FSIP2: variants seen among roughly 807,000 people sequenced by gnomAD.
FSIP2 encodes the protein fibrous sheath-interacting protein 2.
FSIP2 carries 367 observed loss-of-function variants against 510.5 expected under a neutral mutation model. The ratio of observed to expected loss-of-function variants is 0.72; its 90% CI spans 0.66 to 0.78. The LOEUF is 0.78. Among genes scored for constraint, FSIP2 ranks in the 30% least tolerant of loss-of-function variants. The pLI is 0.00. For missense variants in FSIP2, 7,594 were observed against 7,901.7 expected (o/e 0.96, Z 1.48); for synonymous variants, 2,601 against 2,732.2 (o/e 0.95, Z 1.50).
intron 11 of FSIP2, among the ~76,000 whole-genome samples, chr2:185,762,303 T>C (rs1009286682): frequency 3.3e-5 from 5 of 151,304 alleles, no homozygotes; most frequent in Non-Finnish European, 5.9e-5. Flanking sequence ...CTTCAGGAGA[T>C]TGGAATACAA....
Position 185,804,008 on chromosome 2 carries a change from A to T in FSIP2, c.14702A>T (p.Lys4901Ile), listed in dbSNP as rs1201778523. ...PVSKIASFII[K>I]EIFNHHIQSF... ...TCAAAAATAGCGAGTTTTATAATAA[A>T]AGAAATCTTTAACCATCATATTCAA... Residue 4901 changes from lysine (K) to isoleucine (I), a missense_variant, in exon 17 of 23, where the codon AAA becomes ATA. Physicochemically the swap from Lys to Ile is moderately radical, Grantham distance 102. Transcript: ENST00000424728. 1 of 1,498,794 alleles carries T rather than the reference A, an allele frequency of 6.7e-7. No individual in the cohort carries two copies. The highest frequency in any genetic ancestry group is 1.3e-5 in the South Asian group (1 of 78,534). 92.8% of individuals were successfully genotyped at this position (1,498,794 alleles called of 1,614,324 possible). A position where few individuals can be genotyped will look rare whatever the true frequency, so the allele number is the denominator to read the frequency against.
At chr2:185,776,737 T>C (rs1559020302) in intron 13 of FSIP2, among the ~76,000 whole-genome samples, 1 of 152,140 alleles carries the variant, frequency 6.6e-6, no homozygotes, top group African/African-American at 2.4e-5. Flanking sequence ...GCAAGATTTT[T>C]ATTATTATTA....
chr2:185,743,338 A>C lies in FSIP2; in HGVS notation c.387+44A>C, dbSNP rs996550967. Reference sequence around the variant, plus strand: ...CTTTTTTTAATCAATGAAACCCTTTAAAACTTGATATAAACTTGTTTCTGT... The same window carrying C: ...CTTTTTTTAATCAATGAAACCCTTTCAAACTTGATATAAACTTGTTTCTGT... On this transcript the variant is annotated intron_variant, in intron 3 of 22. Transcript: ENST00000424728. The C allele has an allele frequency of 6.0e-6, 8 of 1,325,488 alleles. No homozygotes were observed. The African/African-American group carries it at 1.2e-4, about 20-fold the overall frequency. 82.1% of individuals were successfully genotyped at this position (1,325,488 alleles called of 1,614,324 possible). A position where few individuals can be genotyped will look rare whatever the true frequency, so the allele number is the denominator to read the frequency against.
At chr2:185,782,845 G>T in intron 14 of FSIP2, 83 bp downstream of exon 14, 4 of 752,996 alleles carry the variant, frequency 5.3e-6, no homozygotes, top group Non-Finnish European at 9.0e-6. Context: ...ATGATTCCAT[G>T]GAATCCTCCA....
Position 185,799,891 on chromosome 2 carries a change from G to C in FSIP2, c.10585G>C (p.Glu3529Gln). ...GGGTAGAGAAAAAGAGAAAGCATGGGAAATTCAAGAAGCAACATTTAGCAA... is the reference window on the plus strand; with the variant it reads ...GGGTAGAGAAAAAGAGAAAGCATGGCAAATTCAAGAAGCAACATTTAGCAA... The part of the protein sequence containing the change: ...KKGREKEKAW[E>Q]IQEATFSKII... The change falls in exon 17 of 23, where the codon GAA becomes CAA. Residue 3529 changes from glutamate (E) to glutamine (Q), a missense_variant. By Grantham distance (29) the Glu-to-Gln change is conservative. Transcript: ENST00000424728. The C allele has an allele frequency of 6.5e-7, 1 of 1,533,654 alleles. No individual in the cohort carries two copies. The highest frequency in any genetic ancestry group is 8.7e-7 in the Non-Finnish European group (1 of 1,145,436).
At position 185,796,416 on chromosome 2, in the gene FSIP2, A is replaced by G; in HGVS notation, c.9280A>G (p.Lys3094Glu). The G allele has an allele frequency of 6.5e-7, 1 of 1,534,126 alleles. No homozygotes were observed. Among genetic ancestry groups the G allele is most frequent in the Non-Finnish European group, 8.7e-7 (1 of 1,145,586 alleles). ...NIISDMLAVI[K>E]NKLDNEISQM... is the part of the protein sequence containing the mutation. ...CATCAGTGACATGCTTGCTGTAATTAAGAACAAGCTAGACAACGAAATAAG... is the reference window on the plus strand; with the variant it reads ...CATCAGTGACATGCTTGCTGTAATTGAGAACAAGCTAGACAACGAAATAAG... Residue 3094 changes from lysine to glutamate, a missense_variant, in exon 16 of 23, where the codon AAG becomes GAG. Coordinates refer to ENST00000424728, the MANE Select transcript of FSIP2 (RefSeq NM_173651.4).
chr2:185,830,429 G>C (rs1694086011), intron 21 of FSIP2, among the ~76,000 whole-genome samples: 1 of 151,842 alleles, frequency 6.6e-6, no homozygotes, highest in Non-Finnish European at 1.5e-5. Context: ...CTTAAGTACT[G>C]TCATCCCCTG....
At position 185,800,060 on chromosome 2, in the gene FSIP2, T is replaced by C; in HGVS notation, c.10754T>C (p.Ile3585Thr). The C allele has an allele frequency of 6.5e-7, 1 of 1,531,590 alleles. No individual in the cohort carries two copies. Among genetic ancestry groups the C allele is most frequent in the Non-Finnish European group, 8.7e-7 (1 of 1,143,710 alleles). The allele number at this position is 1,531,590 out of a possible 1,614,324, so 94.9% of individuals were successfully genotyped here. A position where few individuals can be genotyped will look rare whatever the true frequency, so the allele number is the denominator to read the frequency against. ...GACATTGCACAGAAAATGGTTGCCA[T>C]ACCTACAAAATACACTTACTGTCCA... ...QADIAQKMVAIPTKYTYCPGI... is the reference protein window; with the variant it reads ...QADIAQKMVATPTKYTYCPGI... Residue 3585 changes from isoleucine to threonine, a missense_variant, in exon 17 of 23, where the codon ATA becomes ACA. Coordinates refer to ENST00000424728, the MANE Select transcript of FSIP2 (RefSeq NM_173651.4).
rs1183743262 is a variant in FSIP2, at chr2:185,795,293, T to G, written c.8157T>G (p.Ala2719=). The part of the protein sequence containing the change: ...TAIGLSHIMS[A]GDAKNLLDTK... ...TTGGGTTGTCACACATCATGTCAGC[T>G]GGAGATGCCAAAAATTTACTGGACA... The change falls in exon 16 of 23, where the codon GCT becomes GCG. Residue 2719 remains alanine (A), a synonymous_variant. Transcript: ENST00000424728. The G allele has an allele frequency of 2.6e-6, 4 of 1,535,082 alleles. No homozygotes were observed. In the Admixed American group the frequency reaches 7.9e-5, roughly 30 times the overall value.
At chr2:185,810,313 C>G (rs1236475983) in intron 17 of FSIP2, among the ~76,000 whole-genome samples, 2 of 151,978 alleles carry the variant, frequency 1.3e-5, no homozygotes, top group African/African-American at 4.8e-5. Context: ...TTGGTGCTGT[C>G]TTTGCAATAG....
In FSIP2 at chr2:185,789,371, G is replaced by A. The variant is rs1209883343; in HGVS notation, c.2235G>A (p.Leu745=). The change falls in exon 16 of 23, where the codon TTG becomes TTA. Residue 745 remains leucine, a synonymous_variant. Coordinates refer to ENST00000424728, the MANE Select transcript of FSIP2 (RefSeq NM_173651.4). ...AATGTGAACGTGAAAAAGAAATCTTGCTTTCCAATGCTCATATTCCCTCAG... is the reference window on the plus strand; with the variant it reads ...AATGTGAACGTGAAAAAGAAATCTTACTTTCCAATGCTCATATTCCCTCAG... ...VEQCEREKEI[L]LSNAHIPSVA... 6.5e-7 allele frequency: 1 copy of A among 1,534,978 alleles called. No individual in the cohort carries two copies. The highest frequency in any genetic ancestry group is 2.0e-5 in the Admixed American group (1 of 50,862).
chr2:185,793,903 C>A lies in FSIP2; in HGVS notation c.6767C>A (p.Thr2256Asn), dbSNP rs1032433057. The change falls in exon 16 of 23, where the codon ACT becomes AAT. Residue 2256 changes from threonine (T) to asparagine (N), a missense_variant. Physicochemically the swap from Thr to Asn is moderately conservative, Grantham distance 65. Transcript: ENST00000424728. ...GAAAATGCTAACTTCATTACTAAAA[C>A]TATTTTTAAACGTTTGGAATCTTTT... ...CEENANFITK[T>N]IFKRLESFAT... The A allele has an allele frequency of 6.5e-7, 1 of 1,527,098 alleles. No individual in the cohort carries two copies. Among genetic ancestry groups the A allele is most frequent in the Admixed American group, 2.0e-5 (1 of 49,292 alleles). 94.6% of individuals were successfully genotyped at this position (1,527,098 alleles called of 1,614,324 possible). A position where few individuals can be genotyped will look rare whatever the true frequency, so the allele number is the denominator to read the frequency against.
At chr2:185,745,615 A>G in intron 5 of FSIP2, 47 bp downstream of exon 5, 1 of 1,452,578 alleles carries the variant, frequency 6.9e-7, no homozygotes, top group Non-Finnish European at 9.2e-7. Flanking sequence ...TGTGGACCCA[A>G]ATAAGCTGGA....
chr2:185,812,031 CAG>C (rs1450422218), intron 17 of FSIP2, among the ~76,000 whole-genome samples: 2 of 152,246 alleles, frequency 1.3e-5, no homozygotes, highest in South Asian at 2.1e-4. Context: ...AGATCCCACA[CAG>C]AGTCTCCACT....
intron 6 of FSIP2, 72 bp downstream of exon 6, chr2:185,746,882 C>G: frequency 9.1e-7 from 1 of 1,102,136 alleles, no homozygotes; most frequent in East Asian, 2.6e-5. Flanking sequence ...ATAATTTTAA[C>G]TGTACATTGT....
Position 185,802,910 on chromosome 2 carries a change from A to C in FSIP2, c.13604A>C (p.Tyr4535Ser). ...SKEEEETKFI[Y>S]SEDDIQHLVD... ...GAGGAAGAAGAAACCAAGTTTATTTATTCAGAAGATGATATTCAGCACCTT... is the reference window on the plus strand; with the variant it reads ...GAGGAAGAAGAAACCAAGTTTATTTCTTCAGAAGATGATATTCAGCACCTT... The change falls in exon 17 of 23, where the codon TAT becomes TCT. Residue 4535 changes from tyrosine (Y) to serine (S), a missense_variant. Physicochemically the swap from Tyr to Ser is moderately radical, Grantham distance 144 (BLOSUM62 -2). Transcript: ENST00000424728. The C allele has an allele frequency of 6.7e-7, 1 of 1,500,674 alleles. No homozygotes were observed. Among genetic ancestry groups the C allele is most frequent in the East Asian group, 2.5e-5 (1 of 40,684 alleles). 93.0% of individuals were successfully genotyped at this position (1,500,674 alleles called of 1,614,324 possible).
intron 7 of FSIP2, among the ~76,000 whole-genome samples, chr2:185,750,523 A>G (rs1204226008): frequency 6.7e-6 from 1 of 148,478 alleles, no homozygotes; most frequent in Non-Finnish European, 1.5e-5. Flanking sequence ...TCCTGGCTAG[A>G]GTTGCTTTTT....
intron 21 of FSIP2, among the ~76,000 whole-genome samples, chr2:185,830,846 A>T (rs973128471): frequency 6.6e-6 from 1 of 151,864 alleles, no homozygotes; most frequent in African/African-American, 2.4e-5. Context: ...TGAGGCATTT[A>T]AAAAATATAC....
chr2:185,742,944 T>G (rs556772624), intron 2 of FSIP2, among the ~76,000 whole-genome samples, 189 bp from the exon 3 acceptor site: 46 of 152,194 alleles, frequency 3.0e-4, no homozygotes, highest in Middle Eastern at 3.4e-3. Flanking sequence ...TTGGGATAAT[T>G]TATGCAGGTG....
Sources: gnomAD v4.1 joint callset for allele counts (sites outside exome capture counted in the v4.1 genomes callset) on GRCh38, gnomAD v4.1.1 for gene constraint, MANE v1.5 for transcripts, NCBI Gene and HGNC (gene_info 2026-07-23, HGNC 2026-07-21) for gene names.